MOB3B: variants seen among roughly 807,000 people sequenced by gnomAD.
MOB3B encodes the protein MOB kinase activator-like 2B.
In MOB3B, 7 loss-of-function variants were observed where a neutral mutation model predicts 18.7. The observed-to-expected ratio is 0.37, with a 90% CI of 0.21 to 0.70. The LOEUF is 0.70. Among genes scored for constraint, MOB3B ranks in the 30% least tolerant of loss-of-function variants. The pLI, the probability that MOB3B is intolerant of heterozygous loss-of-function variation, is 0.52. For synonymous variants in MOB3B, 111 were observed against 99.9 expected, an observed-to-expected ratio of 1.11 and a Z score of -0.66; for missense variants, 253 against 281.3, an observed-to-expected ratio of 0.90 and a Z score of 0.72.
intron 2 of MOB3B, among the ~76,000 whole-genome samples, chr9:27,449,352 A>G (rs1179846374): frequency 6.6e-6 from 1 of 152,222 alleles, no homozygotes; most frequent in African/African-American, 2.4e-5. Flanking sequence ...GTATACTGAG[A>G]GAGAGATAAC....
At chr9:27,487,741 T>C (rs1301513823) in intron 1 of MOB3B, among the ~76,000 whole-genome samples, 1 of 152,198 alleles carries the variant, frequency 6.6e-6, no homozygotes, top group Non-Finnish European at 1.5e-5. Context: ...GCGTATGCCA[T>C]TAAAATGACT....
chr9:27,457,172 G>A (rs76842010), intron 1 of MOB3B, among the ~76,000 whole-genome samples: 2,927 of 152,296 alleles, frequency 0.019, 84 homozygotes, highest in African/African-American at 0.066. Context: ...AATGGACTTC[G>A]ACTTGTCTTT....
intron 1 of MOB3B, among the ~76,000 whole-genome samples, chr9:27,470,210 A>G (rs1264882689): frequency 6.6e-6 from 1 of 151,724 alleles, no homozygotes; most frequent in Non-Finnish European, 1.5e-5. Context: ...ATTCCTGGTG[A>G]TTTTTAAGCC....
chr9:27,371,195 T>C (rs962921000), intron 2 of MOB3B, among the ~76,000 whole-genome samples: 1 of 151,776 alleles, frequency 6.6e-6, no homozygotes, highest in Non-Finnish European at 1.5e-5. Context: ...TGGGAGGAGG[T>C]GGGGGCAAGG....
intron 1 of MOB3B, among the ~76,000 whole-genome samples, chr9:27,483,016 G>A (rs1449316198): frequency 6.6e-6 from 1 of 151,810 alleles, no homozygotes; most frequent in Non-Finnish European, 1.5e-5. Context: ...ATCTTTAAGA[G>A]GTGCACATAC....
chr9:27,452,999 T>G (rs1822813429), intron 2 of MOB3B, among the ~76,000 whole-genome samples: 1 of 152,224 alleles, frequency 6.6e-6, no homozygotes, highest in African/African-American at 2.4e-5. Context: ...AGTGCAGGCT[T>G]TTAGGTCTCA....
intron 1 of MOB3B, among the ~76,000 whole-genome samples, chr9:27,468,746 C>T (rs148019155): frequency 3.3e-5 from 5 of 152,318 alleles, no homozygotes; most frequent in African/African-American, 9.6e-5. Context: ...GATTGTTAAT[C>T]AAATACCGCA....
At chr9:27,375,875 G>C (rs1821483271) in intron 2 of MOB3B, among the ~76,000 whole-genome samples, 1 of 152,180 alleles carries the variant, frequency 6.6e-6, no homozygotes, top group Non-Finnish European at 1.5e-5. Flanking sequence ...TGCATGCTTT[G>C]TATTTCAGGC....
At chr9:27,462,353 T>A (rs923430735) in intron 1 of MOB3B, among the ~76,000 whole-genome samples, 1 of 151,960 alleles carries the variant, frequency 6.6e-6, no homozygotes, top group Admixed American at 6.6e-5. Flanking sequence ...AAAAACAATA[T>A]CTAAGTCAGG....
chr9:27,524,985 C>G, intron 1 of MOB3B: 2 of 1,523,566 alleles, frequency 1.3e-6, no homozygotes, highest in Non-Finnish European at 1.8e-6. Context: ...ATTAAAATTC[C>G]TTTTCCCTCC....
Position 27,455,497 on chromosome 9 carries a change from C to G in MOB3B, c.54G>C (p.Lys18Asn). 1 of 1,614,190 alleles carries G rather than the reference C, an allele frequency of 6.2e-7. No individual in the cohort carries two copies. The highest frequency in any genetic ancestry group is 8.5e-7 in the Non-Finnish European group (1 of 1,180,018). Reference sequence around the variant, plus strand: ...TCTGTGTGCCAGGTTCAAATTTCCTCTTGGGTCGGAAGGTCTTGTCCTTGT... The same window carrying G: ...TCTGTGTGCCAGGTTCAAATTTCCTGTTGGGTCGGAAGGTCTTGTCCTTGT... ...VFNKDKTFRP[K>N]RKFEPGTQRF... The change falls in exon 2 of 4, where the codon AAG becomes AAC. Residue 18 changes from lysine (K) to asparagine (N), a missense_variant. Transcript: ENST00000262244.
intron 3 of MOB3B, among the ~76,000 whole-genome samples, chr9:27,341,445 A>G (rs1587141230): frequency 6.6e-6 from 1 of 152,208 alleles, no homozygotes; most frequent in Non-Finnish European, 1.5e-5. Context: ...CATATGGGGA[A>G]TGTGCTTCCT....
At chr9:27,433,346 C>T (rs72723280) in intron 2 of MOB3B, among the ~76,000 whole-genome samples, 29,571 of 152,100 alleles carry the variant, frequency 0.19, 3,135 homozygotes, top group Middle Eastern at 0.27. Flanking sequence ...ATGCTACAGC[C>T]ATTAGCTTCA....
At chr9:27,449,661 T>C (rs762691163) in intron 2 of MOB3B, among the ~76,000 whole-genome samples, 5 of 152,120 alleles carry the variant, frequency 3.3e-5, no homozygotes, top group African/African-American at 7.2e-5. Context: ...ATAAAAACCA[T>C]GTGAGAGACA....
chr9:27,343,324 G>C (rs927898809), intron 3 of MOB3B, among the ~76,000 whole-genome samples: 2 of 151,222 alleles, frequency 1.3e-5, no homozygotes, highest in African/African-American at 4.9e-5. Flanking sequence ...AGTACCCAGG[G>C]ACACAAACAC....
chr9:27,479,848 GA>G (rs1335770203), intron 1 of MOB3B, among the ~76,000 whole-genome samples: 1 of 152,154 alleles, frequency 6.6e-6, no homozygotes, highest in East Asian at 1.9e-4. Context: ...TTCAGGCCAG[GA>G]GTTTAAGGCC....
At chr9:27,460,431 G>T (rs376283645) in intron 1 of MOB3B, among the ~76,000 whole-genome samples, 1 of 152,200 alleles carries the variant, frequency 6.6e-6, no homozygotes, top group Non-Finnish European at 1.5e-5. Flanking sequence ...GCTAAGCAAC[G>T]CACTGGCAAG....
chr9:27,446,818 T>C (rs192059654), intron 2 of MOB3B, among the ~76,000 whole-genome samples: 1 of 152,204 alleles, frequency 6.6e-6, no homozygotes, highest in African/African-American at 2.4e-5. Context: ...AAAATTATGC[T>C]AGTAAAATCA....
chr9:27,355,813 C>T (rs1011462972), intron 3 of MOB3B, among the ~76,000 whole-genome samples: 15 of 152,050 alleles, frequency 9.9e-5, no homozygotes, highest in Admixed American at 6.5e-4. Flanking sequence ...CTGCCTGCCT[C>T]GAGAGCATAG....
Sources: allele counts gnomAD v4.1 joint callset (sites outside exome capture counted in the v4.1 genomes callset), GRCh38; gene constraint gnomAD v4.1.1; transcripts MANE v1.5; gene names NCBI Gene and HGNC (gene_info 2026-07-23, HGNC 2026-07-21).